BAHCC1: variants seen among roughly 807,000 people sequenced by gnomAD.
The protein encoded by BAHCC1 is BAH domain and coiled-coil containing 1.
Under a neutral mutation model 88.2 loss-of-function variants are expected in BAHCC1, and 43 were observed. The observed-to-expected ratio is 0.49, with a 90% CI of 0.38 to 0.63. BAHCC1 has a LOEUF of 0.63. Among genes scored for constraint, BAHCC1 ranks in the 20% least tolerant of loss-of-function variants. BAHCC1 has a pLI of 0.00. For synonymous variants in BAHCC1, 1,510 were observed against 745.5 expected (o/e 2.03, Z -16.71); for missense variants, 3,023 against 1,654.8 (o/e 1.83, Z -14.34).
At position 81,451,731 on chromosome 17, in the gene BAHCC1, C is replaced by T. The variant is rs782096726; in HGVS notation, c.4040C>T (p.Ser1347Phe). 10 of 776,154 alleles carry T rather than the reference C, an allele frequency of 1.3e-5. No individual in the cohort carries two copies. Among genetic ancestry groups the T allele is most frequent in the Non-Finnish European group, 2.4e-5 (10 of 417,664 alleles). 48.1% of individuals were successfully genotyped at this position (776,154 alleles called of 1,614,324 possible). Reference sequence around the variant, plus strand: ...CTGGCCACGCTGGCCACAGCCTGGTCCCTGGTGGAGGCCGCTGGCCTGGAC... The same window carrying T: ...CTGGCCACGCTGGCCACAGCCTGGTTCCTGGTGGAGGCCGCTGGCCTGGAC... ...QHLATLATAW[S>F]LVEAAGLDSS... The change falls in exon 12 of 28, where the codon TCC becomes TTC. Residue 1347 changes from serine (S) to phenylalanine (F), a missense_variant. Coordinates refer to ENST00000675386, the MANE Select transcript of BAHCC1 (RefSeq NM_001377448.1).
intron 2 of BAHCC1, among the ~76,000 whole-genome samples, chr17:81,426,432 GT>G (rs2064200249): frequency 7.8e-6 from 1 of 127,452 alleles, no homozygotes; most frequent in Non-Finnish European, 1.6e-5. Flanking sequence ...ATAGTGGTGG[GT>G]GATGTGGTTG....
At chr17:81,452,681 G>A (rs782072459) in intron 13 of BAHCC1, 42 bp from the exon 14 acceptor site, 5 of 707,736 alleles carry the variant, frequency 7.1e-6, no homozygotes, top group Admixed American at 6.6e-5. Flanking sequence ...CGGGGAGCTG[G>A]GTTGTGCATG....
rs782300316 is a variant in BAHCC1 at position 81,460,873 on chromosome 17, C to T, written c.6210C>T (p.Ala2070=). 9.1e-6 allele frequency: 7 copies of T among 766,392 alleles called. No homozygotes were observed. The highest frequency in any genetic ancestry group is 3.4e-5 in the African/African-American group (2 of 59,124). 47.5% of individuals were successfully genotyped at this position (766,392 alleles called of 1,614,324 possible). A position where few individuals can be genotyped will look rare whatever the true frequency, so the allele number is the denominator to read the frequency against. Residue 2070 remains alanine (A), a synonymous_variant, in exon 26 of 28, where the codon GCC becomes GCT. Transcript: ENST00000675386. ...CTGGGCTTTTGCCCTCAGGTAAAGC[C>T]GAACTCCTAACCTCAGGTGCCAAAT... ...KSISKDKAGK[A]ELLTSGAKSP... is the part of the protein sequence containing the mutation.
intron 3 of BAHCC1, 112 bp downstream of exon 3, chr17:81,427,091 G>C: frequency 2.5e-6 from 1 of 398,336 alleles, no homozygotes. Context: ...GAACCTGGCC[G>C]GTGGACGGTG....
At chr17:81,398,625 C>T (rs1056780317) in intron 1 of BAHCC1, among the ~76,000 whole-genome samples, 7 of 152,250 alleles carry the variant, frequency 4.6e-5, no homozygotes, top group Non-Finnish European at 8.8e-5. Context: ...ACACACACCC[C>T]CAAGCCCCCA....
chr17:81,432,568 G>A (rs1290473061), intron 3 of BAHCC1, among the ~76,000 whole-genome samples: 4 of 24,378 alleles, frequency 1.6e-4, no homozygotes, highest in East Asian at 1.9e-3. Flanking sequence ...CCCTCCCATC[G>A]CCGGGCCCAC....
In BAHCC1 at chr17:81,458,247, G is replaced by A. The variant is rs1555657913; in HGVS notation, c.5124G>A (p.Glu1708=). ...SVKAKVGTTL[E]RAPGQRPPGA... ...AGGCCAAGGTGGGCACCACCCTGGA[G>A]CGGGCCCCAGGGCAGAGGCCCCCAG... is the stretch of plus-strand genomic sequence containing the variant. The change falls in exon 18 of 28, where the codon GAG becomes GAA. Residue 1708 remains glutamate (E), a synonymous_variant. Coordinates refer to ENST00000675386, the MANE Select transcript of BAHCC1 (RefSeq NM_001377448.1). 1.3e-6 allele frequency: 1 copy of A among 740,930 alleles called. No homozygotes were observed. The highest frequency in any genetic ancestry group is 1.4e-5 in the South Asian group (1 of 69,268). The allele number at this position is 740,930 out of a possible 1,614,324, so 45.9% of individuals were successfully genotyped here.
In BAHCC1 at chr17:81,444,398, T is replaced by C; in HGVS notation, c.2342T>C (p.Val781Ala). ...TCTTACAGGGACAGCAAAGACCGCGTAGAGTTCGCCCGGATCCACCCACCG... is the reference window on the plus strand; with the variant it reads ...TCTTACAGGGACAGCAAAGACCGCGCAGAGTTCGCCCGGATCCACCCACCG... ...ELLLQDSKDR[V>A]EFARIHPPSS... The change falls in exon 7 of 28, where the codon GTA becomes GCA. Residue 781 changes from valine (V) to alanine (A), a missense_variant. Coordinates refer to ENST00000675386, the MANE Select transcript of BAHCC1 (RefSeq NM_001377448.1). 1 of 745,294 alleles carries C rather than the reference T, an allele frequency of 1.3e-6. No individual in the cohort carries two copies. Among genetic ancestry groups the C allele is most frequent in the Non-Finnish European group, 2.5e-6 (1 of 402,208 alleles). 46.2% of individuals were successfully genotyped at this position (745,294 alleles called of 1,614,324 possible).
chr17:81,451,580 G>T, intron 11 of BAHCC1, 88 bp from the exon 12 acceptor site: 1 of 642,672 alleles, frequency 1.6e-6, no homozygotes, highest in East Asian at 2.7e-5. Context: ...AGGCTGGGTG[G>T]CTTCAGGGGG....
chr17:81,461,933 A>G lies in BAHCC1; in HGVS notation c.7270A>G (p.Lys2424Glu), dbSNP rs1555659622. The G allele has an allele frequency of 2.6e-6, 2 of 760,884 alleles. No homozygotes were observed. Among genetic ancestry groups the G allele is most frequent in the South Asian group, 2.8e-5 (2 of 71,534 alleles). 47.1% of individuals were successfully genotyped at this position (760,884 alleles called of 1,614,324 possible). A position where few individuals can be genotyped will look rare whatever the true frequency, so the allele number is the denominator to read the frequency against. The change falls in exon 26 of 28, where the codon AAA becomes GAA. Residue 2424 changes from lysine to glutamate, a missense_variant. Physicochemically the swap from Lys to Glu is moderately conservative, Grantham distance 56. Coordinates refer to ENST00000675386, the MANE Select transcript of BAHCC1 (RefSeq NM_001377448.1). The stretch of plus-strand genomic sequence containing the variant: ...GCGCAAAGAGGCCCTGAGCTTCTCC[A>G]AAGCCAAAGAGCTCTCCCGGAGGCA... The part of the protein sequence containing the change: ...LKRKEALSFS[K>E]AKELSRRQRP...
intron 2 of BAHCC1, among the ~76,000 whole-genome samples, chr17:81,414,530 G>T (rs984168012): frequency 2.0e-5 from 3 of 152,198 alleles, no homozygotes; most frequent in Admixed American, 2.0e-4. Context: ...CATCCCAGAG[G>T]TCCCTGCCTG....
chr17:81,424,512 G>T (rs149966309), intron 2 of BAHCC1, among the ~76,000 whole-genome samples: 21 of 152,348 alleles, frequency 1.4e-4, no homozygotes, highest in Non-Finnish European at 2.1e-4. Context: ...GACAGTGATG[G>T]TGGTGGTGGC....
intron 2 of BAHCC1, among the ~76,000 whole-genome samples, chr17:81,417,874 G>A (rs1343349870): frequency 5.3e-5 from 8 of 152,170 alleles, no homozygotes; most frequent in South Asian, 2.1e-4. Flanking sequence ...TGCAGGTCCC[G>A]GGCTGAGCCC....
chr17:81,410,779 G>A (rs2063940045), intron 2 of BAHCC1, among the ~76,000 whole-genome samples: 1 of 152,092 alleles, frequency 6.6e-6, no homozygotes, highest in Non-Finnish European at 1.5e-5. Context: ...GATCATGTGG[G>A]ATGGGACCAC....
chr17:81,452,782 A>G lies in BAHCC1; in HGVS notation c.4376A>G (p.Lys1459Arg). ...GGGCCTGGCCGGCCGAGGAAGCGCAAACACTCAAGCTCGCTGCCTGCCCCA... is the reference window on the plus strand; with the variant it reads ...GGGCCTGGCCGGCCGAGGAAGCGCAGACACTCAAGCTCGCTGCCTGCCCCA... ...RRGPGRPRKR[K>R]HSSSLPAPRP... Residue 1459 changes from lysine (K) to arginine (R), a missense_variant, in exon 14 of 28, where the codon AAA becomes AGA. By Grantham distance (26) the Lys-to-Arg change is conservative (BLOSUM62 2). Coordinates refer to ENST00000675386, the MANE Select transcript of BAHCC1 (RefSeq NM_001377448.1). 1 of 741,696 alleles carries G rather than the reference A, an allele frequency of 1.3e-6. No individual in the cohort carries two copies. The highest frequency in any genetic ancestry group is 2.6e-5 in the East Asian group (1 of 38,300). 45.9% of individuals were successfully genotyped at this position (741,696 alleles called of 1,614,324 possible).
At chr17:81,415,844 C>A (rs1428966185) in intron 2 of BAHCC1, among the ~76,000 whole-genome samples, 2 of 152,252 alleles carry the variant, frequency 1.3e-5, no homozygotes, top group African/African-American at 4.8e-5. Flanking sequence ...GACCCCAGCT[C>A]TGGGGGCTGC....
intron 1 of BAHCC1, among the ~76,000 whole-genome samples, chr17:81,397,922 A>G (rs2063763428): frequency 6.6e-6 from 1 of 152,254 alleles, no homozygotes; most frequent in Non-Finnish European, 1.5e-5. Flanking sequence ...GCAAATATGT[A>G]TTCACTTAAT....
chr17:81,422,862 C>T (rs897749536), intron 2 of BAHCC1: 4 of 356,922 alleles, frequency 1.1e-5, no homozygotes, highest in Admixed American at 3.6e-5. Context: ...CTGGGGGACT[C>T]GAGGCGGGCC....
chr17:81,407,086 C>A, intron 2 of BAHCC1: 2 of 431,604 alleles, frequency 4.6e-6, no homozygotes, highest in South Asian at 3.3e-5. Flanking sequence ...GCCGGAAGTG[C>A]TGCCCCTCTC....
Sources: gnomAD v4.1 joint callset for allele counts (sites outside exome capture counted in the v4.1 genomes callset) on GRCh38, gnomAD v4.1.1 for gene constraint, MANE v1.5 for transcripts, NCBI Gene and HGNC (gene_info 2026-07-23, HGNC 2026-07-21) for gene names.